The following PSD3 variants were observed in gnomAD, a reference collection of about 807,000 sequenced individuals.
The protein encoded by PSD3 is pleckstrin and Sec7 domain containing 3.
In PSD3, 49 loss-of-function variants were observed where a neutral mutation model predicts 105.5. The observed-to-expected ratio is 0.46, with a 90% CI of 0.37 to 0.59. The LOEUF is 0.59. PSD3 is among the 20% of genes least tolerant of loss of function. The probability of loss-of-function intolerance (pLI) is 0.00; values close to 1 mark genes in which losing one functional copy is unlikely to be tolerated. For synonymous variants in PSD3, 557 were observed against 457.8 expected, an observed-to-expected ratio of 1.22 and a Z score of -2.77; for missense variants, 1,561 against 1,263.8, an observed-to-expected ratio of 1.24 and a Z score of -3.57.
chr8:18,599,463 C>G (rs1804272779), intron 12 of PSD3, among the ~76,000 whole-genome samples: 1 of 152,170 alleles, frequency 6.6e-6, no homozygotes, highest in African/African-American at 2.4e-5. Context: ...TGCGGCATTA[C>G]TCACAAAAGG....
chr8:19,015,024 G>A (rs144291619), upstream of PSD3, among the ~76,000 whole-genome samples: 7 of 152,274 alleles, frequency 4.6e-5, no homozygotes, highest in East Asian at 9.6e-4. Flanking sequence ...AGTCACTTGG[G>A]CATTGATATG....
At chr8:18,892,728 G>A (rs7822242) in intron 2 of PSD3, among the ~76,000 whole-genome samples, 30,750 of 149,298 alleles carry the variant, frequency 0.21, 4,115 homozygotes, top group Non-Finnish European at 0.29. Flanking sequence ...AGGTTCAAGC[G>A]ATTCTCACAC....
At chr8:19,054,990 C>A (rs1351122487) in intron 1 of PSD3, among the ~76,000 whole-genome samples, 1 of 151,878 alleles carries the variant, frequency 6.6e-6, no homozygotes, top group Non-Finnish European at 1.5e-5. Flanking sequence ...TACAGGTAGA[C>A]AAAGCACTGT....
intron 11 of PSD3, among the ~76,000 whole-genome samples, chr8:18,631,338 G>C (rs1806879927): frequency 6.6e-6 from 1 of 151,894 alleles, no homozygotes; most frequent in Non-Finnish European, 1.5e-5. Flanking sequence ...AAGCAAGTGG[G>C]GGCTGTCAAT....
chr8:18,844,005 A>C (rs1196205736), intron 4 of PSD3, among the ~76,000 whole-genome samples: 1 of 151,710 alleles, frequency 6.6e-6, no homozygotes, highest in Non-Finnish European at 1.5e-5. Flanking sequence ...TAAAAAAACA[A>C]GGTTAACCCT....
chr8:19,060,953 C>T (rs1470423130), intron 1 of PSD3, among the ~76,000 whole-genome samples: 12 of 152,164 alleles, frequency 7.9e-5, no homozygotes, highest in Non-Finnish European at 2.9e-5. Flanking sequence ...AGGCTCCTGG[C>T]TCCTACCTTC....
At chr8:18,601,134 C>G (rs1275469577) in intron 11 of PSD3, among the ~76,000 whole-genome samples, 1 of 152,082 alleles carries the variant, frequency 6.6e-6, no homozygotes. Context: ...ACAAATTATC[C>G]AAAATAATTA....
chr8:18,843,394 C>A (rs1217898835), intron 4 of PSD3, among the ~76,000 whole-genome samples: 4 of 151,512 alleles, frequency 2.6e-5, no homozygotes, highest in African/African-American at 9.7e-5. Context: ...GAATTAGAAT[C>A]ACCATACCTA....
At chr8:18,895,601 C>A (rs34867702) in intron 2 of PSD3, among the ~76,000 whole-genome samples, 27,169 of 152,200 alleles carry the variant, frequency 0.18, 2,811 homozygotes, top group South Asian at 0.31. Flanking sequence ...TCCTATAGCA[C>A]TTTTCCTTTT....
chr8:18,937,748 G>C (rs899113050), intron 1 of PSD3, among the ~76,000 whole-genome samples: 1 of 152,174 alleles, frequency 6.6e-6, no homozygotes, highest in Non-Finnish European at 1.5e-5. Flanking sequence ...TTTTTGAAGT[G>C]TTTGGGGAGC....
intron 4 of PSD3, among the ~76,000 whole-genome samples, chr8:18,864,510 AAT>A (rs539732340): frequency 7.9e-5 from 12 of 152,338 alleles, no homozygotes; most frequent in African/African-American, 2.9e-4. Flanking sequence ...CATTAAAATC[AAT>A]ATTTAATTTC....
intron 10 of PSD3, among the ~76,000 whole-genome samples, chr8:18,646,159 T>C (rs1393060464): frequency 1.3e-5 from 2 of 152,124 alleles, no homozygotes; most frequent in Admixed American, 6.5e-5. Context: ...GTTTTCTTGT[T>C]AGTAATGATT....
chr8:18,652,655 G>A (rs1045998069), intron 10 of PSD3, among the ~76,000 whole-genome samples: 5 of 151,642 alleles, frequency 3.3e-5, no homozygotes, highest in Admixed American at 6.6e-5. Flanking sequence ...ACGCCACCAC[G>A]CCCAGCTAAT....
chr8:18,859,677 G>T (rs771155466), intron 4 of PSD3, among the ~76,000 whole-genome samples: 1 of 152,132 alleles, frequency 6.6e-6, no homozygotes, highest in Non-Finnish European at 1.5e-5. Flanking sequence ...TTTATGTTAC[G>T]GAGATAGCTT....
chr8:18,550,800 GAA>G (rs1800719148), intron 15 of PSD3, among the ~76,000 whole-genome samples: 1 of 152,086 alleles, frequency 6.6e-6, no homozygotes, highest in Admixed American at 6.5e-5. Flanking sequence ...ACGAAAAAAA[GAA>G]AAGTCTTCAA....
intron 2 of PSD3, among the ~76,000 whole-genome samples, chr8:18,934,033 G>A (rs1321830533): frequency 2.6e-5 from 4 of 152,082 alleles, no homozygotes; most frequent in African/African-American, 4.8e-5. Flanking sequence ...GTATCTAAGA[G>A]TCCCCAACTA....
chr8:18,798,605 C>T lies in PSD3; in HGVS notation c.2082+690G>A, dbSNP rs1810396528. On this transcript the variant is annotated intron_variant, in intron 8 of 15. Transcript: ENST00000327040. ...CAAGGGATAATATACTCTACACAGA[C>T]ACCTGATTTTCTCTTCAAAATACAA... Among the ~76,000 whole-genome samples the T allele has an allele frequency of 2.6e-5, 4 of 152,188 alleles. No homozygotes were observed. In the South Asian group the frequency reaches 8.3e-4, roughly 32 times the overall value.
chr8:19,003,380 T>C (rs931544131), intron 1 of PSD3, among the ~76,000 whole-genome samples: 1 of 151,900 alleles, frequency 6.6e-6, no homozygotes, highest in African/African-American at 2.4e-5. Context: ...AGACCCCGTC[T>C]TTAAAAAACA....
intron 9 of PSD3, among the ~76,000 whole-genome samples, chr8:18,728,187 C>G (rs921911197): frequency 6.6e-5 from 10 of 152,174 alleles, no homozygotes; most frequent in Non-Finnish European, 1.3e-4. Flanking sequence ...TGATTTCTCT[C>G]TTCTCTGATT....
Sources: allele counts gnomAD v4.1 joint callset (sites outside exome capture counted in the v4.1 genomes callset), GRCh38; gene constraint gnomAD v4.1.1; transcripts MANE v1.5; gene names NCBI Gene and HGNC (gene_info 2026-07-23, HGNC 2026-07-21).